The following STARD3 variants were observed in gnomAD, a reference collection of about 807,000 sequenced individuals.
The protein encoded by STARD3 is stAR-related lipid transfer protein 3.
STARD3 carries 39 observed loss-of-function variants against 62.0 expected under a neutral mutation model. The ratio of observed to expected loss-of-function variants is 0.63; its 90% CI spans 0.49 to 0.82. The LOEUF (loss-of-function observed/expected upper bound fraction) is 0.82, where lower values mean the gene tolerates loss of function less well. STARD3 is among the 40% of genes least tolerant of loss of function. The pLI is 0.00. For missense variants in STARD3, 543 were observed against 584.5 expected, an observed-to-expected ratio of 0.93 and a Z score of 0.73; for synonymous variants, 229 against 242.4, an observed-to-expected ratio of 0.94 and a Z score of 0.51.
intron 1 of STARD3, among the ~76,000 whole-genome samples, chr17:39,650,226 C>T (rs138838456): frequency 1.3e-5 from 2 of 152,208 alleles, no homozygotes; most frequent in Non-Finnish European, 2.9e-5. Flanking sequence ...GACTGGTGTC[C>T]GTATCAGGAG....
chr17:39,661,143 C>T (rs2145044800), intron 13 of STARD3, 58 bp downstream of exon 13: 5 of 1,512,402 alleles, frequency 3.3e-6, no homozygotes, highest in South Asian at 1.1e-5. Context: ...GAGCATTGAG[C>T]AGTGCAGGGT....
At chr17:39,662,441 C>A in intron 14 of STARD3, 97 bp downstream of exon 14, 2 of 1,177,416 alleles carry the variant, frequency 1.7e-6, no homozygotes, top group Non-Finnish European at 2.5e-6. Context: ...CTCTGCCATG[C>A]CTGGGCCTCC....
At chr17:39,646,278 G>A (rs1318332544) in intron 1 of STARD3, among the ~76,000 whole-genome samples, 2 of 151,796 alleles carry the variant, frequency 1.3e-5, no homozygotes, top group Non-Finnish European at 2.9e-5. Context: ...TTTGAGACAG[G>A]GTTTCTCTCT....
chr17:39,643,978 G>C (rs2057002796), intron 1 of STARD3, among the ~76,000 whole-genome samples: 1 of 152,232 alleles, frequency 6.6e-6, no homozygotes, highest in Non-Finnish European at 1.5e-5. Flanking sequence ...GGAAATCTGA[G>C]GTTTGACCCA....
chr17:39,642,447 G>C (rs1186137081), intron 1 of STARD3, among the ~76,000 whole-genome samples: 1 of 152,218 alleles, frequency 6.6e-6, no homozygotes, highest in African/African-American at 2.4e-5. Flanking sequence ...GCAGGGAGGG[G>C]CTGCTCTCCC....
At chr17:39,645,585 T>G (rs1346610791) in intron 1 of STARD3, among the ~76,000 whole-genome samples, 1 of 152,112 alleles carries the variant, frequency 6.6e-6, no homozygotes, top group African/African-American at 2.4e-5. Context: ...TTCTCCTGCC[T>G]CATACTCCCA....
At chr17:39,657,518 C>G (rs1366724190) in intron 3 of STARD3, among the ~76,000 whole-genome samples, 1 of 150,638 alleles carries the variant, frequency 6.6e-6, no homozygotes, top group Non-Finnish European at 1.5e-5. Flanking sequence ...CAGAGCGAGA[C>G]TCTGTCTCAA....
At position 39,660,831 on chromosome 17, in the gene STARD3, A is replaced by G. The variant is rs950338754; in HGVS notation, c.976A>G (p.Asn326Asp). 1.9e-6 allele frequency: 3 copies of G among 1,593,838 alleles called. No homozygotes were observed. The highest frequency in any genetic ancestry group is 2.6e-6 in the Non-Finnish European group (3 of 1,169,048). The change falls in exon 12 of 15, where the codon AAC (asparagine) becomes GAC (aspartate). Residue 326 changes from asparagine (N) to aspartate (D), a missense_variant. By Grantham distance (23) the Asn-to-Asp change is conservative. Coordinates refer to ENST00000336308, the MANE Select transcript of STARD3 (RefSeq NM_006804.4). The surrounding 1 kb of genome is among the most constrained non-coding windows in gnomAD (Gnocchi z 4.8). The part of the protein sequence containing the change: ...ACQILQRVED[N>D]TLISYDVSAG... The stretch of plus-strand genomic sequence containing the variant: ...TCAGATCCTGCAGCGAGTGGAAGAC[A>G]ACACCCTCATCTCCTATGACGTGTC...
rs1450371030 is a variant in STARD3, at chr17:39,660,945, G to A, written c.1035-36G>A. Reference sequence around the variant, plus strand: ...CCAGGTCTTCTGCACTTTGGCCTTGGGTCATTGTCCCCTGAACTAACCCTC... The same window carrying A: ...CCAGGTCTTCTGCACTTTGGCCTTGAGTCATTGTCCCCTGAACTAACCCTC... On this transcript the variant is annotated intron_variant, in intron 12 of 14. Coordinates refer to ENST00000336308, the MANE Select transcript of STARD3 (RefSeq NM_006804.4). This position sits in a 1 kb window ranked among gnomAD's most constrained non-coding sequence, Gnocchi z 4.8. 6.2e-7 allele frequency: 1 copy of A among 1,611,418 alleles called. No individual in the cohort carries two copies. Among genetic ancestry groups the A allele is most frequent in the Non-Finnish European group, 8.5e-7 (1 of 1,178,290 alleles).
Position 39,653,519 on chromosome 17 carries a change from G to C in STARD3, c.-13G>C, listed in dbSNP as rs747718913. On this transcript the variant is annotated 5_prime_UTR_variant, in exon 2 of 15. Coordinates refer to ENST00000336308, the MANE Select transcript of STARD3 (RefSeq NM_006804.4). The stretch of plus-strand genomic sequence containing the variant: ...GCCGCGCCCTCCCCGCCCTGAGGTG[G>C]GGGCCCACCAGGATGAGCAAGCTGC... The C allele has an allele frequency of 2.5e-6, 4 of 1,600,778 alleles. No individual in the cohort carries two copies. Among genetic ancestry groups the C allele is most frequent in the Middle Eastern group, 1.7e-4 (1 of 5,898 alleles).
intron 14 of STARD3, 102 bp downstream of exon 14, chr17:39,662,446 GC>G: frequency 2.6e-6 from 3 of 1,161,116 alleles, no homozygotes; most frequent in Non-Finnish European, 3.8e-6. Context: ...CCATGCCTGG[GC>G]CTCCCCTTTG....
At chr17:39,658,618 A>C (rs1267456700) in intron 6 of STARD3, 96 bp downstream of exon 6, 1 of 1,567,802 alleles carries the variant, frequency 6.4e-7, no homozygotes, top group Non-Finnish European at 8.8e-7. Flanking sequence ...GCATCTCGCC[A>C]CCTCTGAGCA....
At position 39,658,520 on chromosome 17, in the gene STARD3, G is replaced by A. The variant is rs148577327; in HGVS notation, c.545G>A (p.Arg182Gln). 3.1e-6 allele frequency: 5 copies of A among 1,613,460 alleles called. No individual in the cohort carries two copies. The African/African-American group carries it at 4.0e-5, about 13-fold the overall frequency. The change falls in exon 6 of 15, where the codon CGA becomes CAA. Residue 182 changes from arginine (R) to glutamine (Q), a missense_variant and splice_region_variant. Transcript: ENST00000336308. The part of the protein sequence containing the change: ...KVLPQEAEEE[R>Q]WYLAAQVAVA... ...CTACCCCAGGAAGCTGAAGAGGAGC[G>A]ATGTGAGTGCTTGCGGGTAGGGGGG... is the stretch of plus-strand genomic sequence containing the variant.
At chr17:39,656,950 G>A in intron 2 of STARD3, 58 bp from the exon 3 acceptor site, 1 of 1,576,570 alleles carries the variant, frequency 6.3e-7, no homozygotes, top group East Asian at 2.2e-5. Flanking sequence ...CGGGAGGTGA[G>A]GGGCAGCCCC....
intron 1 of STARD3, among the ~76,000 whole-genome samples, chr17:39,637,708 T>C (rs2056945229): frequency 6.6e-6 from 1 of 152,210 alleles, no homozygotes; most frequent in Non-Finnish European, 1.5e-5. Context: ...CTTGAGTTCT[T>C]AGAGGTGCAT....
At chr17:39,642,855 G>A (rs1398838073) in intron 1 of STARD3, among the ~76,000 whole-genome samples, 1 of 152,116 alleles carries the variant, frequency 6.6e-6, no homozygotes, top group Admixed American at 6.6e-5. Context: ...AGCAGCAGGT[G>A]CAAGGGCCCT....
intron 13 of STARD3, among the ~76,000 whole-genome samples, chr17:39,661,691 T>C (rs1358321061): frequency 6.6e-6 from 1 of 152,186 alleles, no homozygotes; most frequent in East Asian, 1.9e-4. Context: ...GTTCTTTGAA[T>C]AGGATGCCAG....
intron 1 of STARD3, among the ~76,000 whole-genome samples, chr17:39,649,865 C>CAAAAAAAA (rs10713558): frequency 2.4e-5 from 2 of 85,004 alleles, no homozygotes; most frequent in Non-Finnish European, 4.5e-5. Flanking sequence ...GACTCCGTCT[C>CAAAAAAAA]AAAAAAAAAA....
At chr17:39,638,570 C>T (rs2056956097) in intron 1 of STARD3, among the ~76,000 whole-genome samples, 1 of 152,188 alleles carries the variant, frequency 6.6e-6, no homozygotes, top group Admixed American at 6.5e-5. Flanking sequence ...TGTTTTTCAG[C>T]GCAGGCAGCG....
Sources: allele counts gnomAD v4.1 joint callset (sites outside exome capture counted in the v4.1 genomes callset), GRCh38; gene constraint gnomAD v4.1.1; non-coding constraint Gnocchi (gnomAD v3.1); transcripts MANE v1.5; gene names NCBI Gene and HGNC (gene_info 2026-07-23, HGNC 2026-07-21).